DDX10: variants seen among roughly 807,000 people sequenced by gnomAD.
DDX10 encodes the protein DEAD-box helicase 10.
Under a neutral mutation model 104.3 loss-of-function variants are expected in DDX10, and 74 were observed. That is an observed-to-expected ratio of 0.71 (90% CI 0.59 to 0.86). The LOEUF (loss-of-function observed/expected upper bound fraction) is 0.86. Among genes scored for constraint, DDX10 ranks in the 40% least tolerant of loss-of-function variants. The pLI, the probability that DDX10 is intolerant of heterozygous loss-of-function variation, is 0.00. For synonymous variants in DDX10, 351 were observed against 353.4 expected (o/e 0.99, Z 0.08); for missense variants, 952 against 1,040.0 (o/e 0.92, Z 1.16).
chr11:108,844,458 A>G (rs1565296298), intron 15 of DDX10, among the ~76,000 whole-genome samples: 1 of 152,224 alleles, frequency 6.6e-6, no homozygotes, highest in Non-Finnish European at 1.5e-5. Context: ...ATAAGGCACA[A>G]ATATGGGCAC....
chr11:108,781,576 A>G (rs971509208), intron 13 of DDX10, among the ~76,000 whole-genome samples: 2 of 152,100 alleles, frequency 1.3e-5, no homozygotes, highest in East Asian at 3.8e-4. Flanking sequence ...TCTTCTTACC[A>G]CAGAAGGTAA....
intron 13 of DDX10, among the ~76,000 whole-genome samples, chr11:108,817,861 G>A (rs17108600): frequency 0.017 from 2,542 of 152,240 alleles, 72 homozygotes; most frequent in African/African-American, 0.058. Flanking sequence ...TCTTAAATGT[G>A]GATCAGGCAT....
chr11:108,713,164 C>T (rs2094286774), intron 10 of DDX10, among the ~76,000 whole-genome samples: 1 of 152,130 alleles, frequency 6.6e-6, no homozygotes, highest in Non-Finnish European at 1.5e-5. Flanking sequence ...TTCTGTCTCT[C>T]CCTCTCGCTT....
chr11:108,862,493 A>G (rs1454663598), intron 16 of DDX10, among the ~76,000 whole-genome samples: 1 of 152,352 alleles, frequency 6.6e-6, no homozygotes, highest in Middle Eastern at 3.4e-3. Flanking sequence ...TATGAAAGCT[A>G]TGAAAGACAA....
At chr11:108,860,268 T>C (rs1862923682) in intron 16 of DDX10, among the ~76,000 whole-genome samples, 1 of 152,222 alleles carries the variant, frequency 6.6e-6, no homozygotes, top group Non-Finnish European at 1.5e-5. Context: ...AAAGGCTATA[T>C]TAAGATTAAC....
chr11:108,668,879 T>C (rs1320425827), intron 1 of DDX10, among the ~76,000 whole-genome samples: 1 of 152,082 alleles, frequency 6.6e-6, no homozygotes, highest in East Asian at 1.9e-4. Context: ...TAGGGGAAGT[T>C]GAGTTATCCT....
intron 13 of DDX10, among the ~76,000 whole-genome samples, chr11:108,774,548 T>C (rs1010762088): frequency 1.3e-5 from 2 of 152,110 alleles, no homozygotes; most frequent in Non-Finnish European, 2.9e-5. Flanking sequence ...ATACCTGAGG[T>C]ATTGTTTTTT....
chr11:108,940,565 C>A lies in DDX10; in HGVS notation c.*142C>A. The A allele has an allele frequency of 1.4e-6, 1 of 716,406 alleles. No homozygotes were observed. The highest frequency in any genetic ancestry group is 2.2e-6 in the Non-Finnish European group (1 of 447,258). The allele number at this position is 716,406 out of a possible 1,614,324, so 44.4% of individuals were successfully genotyped here. On this transcript the variant is annotated 3_prime_UTR_variant, in exon 18 of 18. Transcript: ENST00000322536. ...CATTTCTGGATAGAAGCGATCGTAT[C>A]TCCAAGTCCCTCTCACAGGACATGC...
chr11:108,688,065 A>C (rs937334330), intron 6 of DDX10, among the ~76,000 whole-genome samples: 3 of 152,152 alleles, frequency 2.0e-5, no homozygotes, highest in Non-Finnish European at 4.4e-5. Context: ...CCTTTTTTAC[A>C]GTTGCATAAT....
At chr11:108,831,408 A>G (rs1265084760) in intron 13 of DDX10, among the ~76,000 whole-genome samples, 1 of 123,204 alleles carries the variant, frequency 8.1e-6, no homozygotes, top group African/African-American at 3.0e-5. Context: ...CTGGTGACAG[A>G]GCGAGACTGT....
chr11:108,858,373 A>G (rs2134611155), intron 16 of DDX10, among the ~76,000 whole-genome samples: 1 of 152,342 alleles, frequency 6.6e-6, no homozygotes, highest in South Asian at 2.1e-4. Flanking sequence ...GATGGCACAT[A>G]ATAAATGCTC....
intron 13 of DDX10, among the ~76,000 whole-genome samples, chr11:108,726,674 CT>C (rs2094305775): frequency 6.6e-6 from 1 of 151,804 alleles, no homozygotes; most frequent in African/African-American, 2.4e-5. Flanking sequence ...CCATATATTT[CT>C]TTTTTCTTTC....
At chr11:108,786,997 A>C (rs1234918880) in intron 13 of DDX10, among the ~76,000 whole-genome samples, 1 of 147,470 alleles carries the variant, frequency 6.8e-6, no homozygotes, top group African/African-American at 2.5e-5. Flanking sequence ...CTTTTATTTC[A>C]ATGTTTAGCA....
chr11:108,918,450 G>A (rs192588549), intron 17 of DDX10: 29 of 167,130 alleles, frequency 1.7e-4, no homozygotes, highest in Non-Finnish European at 3.1e-4. Flanking sequence ...ATTTTAAAAC[G>A]TGGACATTAT....
intron 13 of DDX10, among the ~76,000 whole-genome samples, chr11:108,740,759 G>T (rs922087202): frequency 6.6e-6 from 1 of 150,682 alleles, no homozygotes; most frequent in Admixed American, 6.6e-5. Context: ...TTTTTCATAT[G>T]CTTTTTGGCT....
At chr11:108,861,736 T>A (rs778190225) in intron 16 of DDX10, among the ~76,000 whole-genome samples, 1 of 152,130 alleles carries the variant, frequency 6.6e-6, no homozygotes, top group Non-Finnish European at 1.5e-5. Flanking sequence ...TGTATTTACT[T>A]TGTGAAAACT....
intron 5 of DDX10, among the ~76,000 whole-genome samples, chr11:108,678,932 G>T (rs1185615577): frequency 1.4e-5 from 2 of 139,376 alleles, no homozygotes; most frequent in Admixed American, 1.6e-4. Context: ...GCTGGAGTAC[G>T]GTGGCATGAT....
At chr11:108,684,726 T>C (rs2094240968) in intron 6 of DDX10, among the ~76,000 whole-genome samples, 1 of 145,128 alleles carries the variant, frequency 6.9e-6, no homozygotes. Flanking sequence ...AGTAATGGGA[T>C]GGCTGGGTCA....
chr11:108,884,724 T>G (rs1863272190), intron 16 of DDX10, among the ~76,000 whole-genome samples: 1 of 152,216 alleles, frequency 6.6e-6, no homozygotes, highest in Admixed American at 6.5e-5. Flanking sequence ...TTGTTTTCTC[T>G]TTTGCTGCTT....
Sources: allele counts gnomAD v4.1 joint callset (sites outside exome capture counted in the v4.1 genomes callset), GRCh38; gene constraint gnomAD v4.1.1; transcripts MANE v1.5; gene names NCBI Gene and HGNC (gene_info 2026-07-23, HGNC 2026-07-21).